The following RABGAP1L variants were observed in gnomAD, a reference collection of about 807,000 sequenced individuals.
RABGAP1L encodes the protein RAB GTPase activating protein 1 like, also known as rab GTPase-activating protein 1-like.
Under a neutral mutation model 137.7 loss-of-function variants are expected in RABGAP1L, and 63 were observed. That is an observed-to-expected ratio of 0.46 (90% CI 0.37 to 0.56). The LOEUF is 0.56. RABGAP1L is among the 20% of genes least tolerant of loss of function. The pLI is 0.00. For missense variants in RABGAP1L, 1,095 were observed against 1,244.0 expected, an observed-to-expected ratio of 0.88 and a Z score of 1.80; for synonymous variants, 431 against 433.7, an observed-to-expected ratio of 0.99 and a Z score of 0.08.
chr1:174,484,085 G>C (rs1388493253), intron 13 of RABGAP1L, among the ~76,000 whole-genome samples: 1 of 152,002 alleles, frequency 6.6e-6, no homozygotes, highest in Non-Finnish European at 1.5e-5. Flanking sequence ...GCCTGTCATG[G>C]ATAAAAGCCA....
chr1:174,699,928 A>G (rs1557996616), intron 16 of RABGAP1L, among the ~76,000 whole-genome samples: 1 of 152,178 alleles, frequency 6.6e-6, no homozygotes, highest in African/African-American at 2.4e-5. Flanking sequence ...ATTGCCAAGT[A>G]TTGTTTGTAG....
Position 174,219,284 on chromosome 1 carries a change from C to A in RABGAP1L, c.127C>A (p.Pro43Thr). The change falls in exon 2 of 26, where the codon CCT (proline) becomes ACT (threonine). Residue 43 changes from proline (P) to threonine (T), a missense_variant. By Grantham distance (38) the Pro-to-Thr change is conservative. Coordinates refer to ENST00000681986, the MANE Select transcript of RABGAP1L (RefSeq NM_001366446.1). ...DDNSTKHEEK[P>T]QLKIVSNGDE... ...TAATTCTACAAAACATGAAGAAAAA[C>A]CTCAACTGAAGGTATTTTTTTCTTT... The A allele has an allele frequency of 1.3e-6, 2 of 1,565,094 alleles. No individual in the cohort carries two copies. Among genetic ancestry groups the A allele is most frequent in the East Asian group, 2.3e-5 (1 of 43,298 alleles).
In RABGAP1L at chr1:174,218,190, C is replaced by T. The variant is rs376184670; in HGVS notation, c.-33-935C>T. On this transcript the variant is annotated intron_variant, in intron 1 of 25. Transcript: ENST00000681986. ...CTTTTTCCTACCACCTTAATTTGTC[C>T]GTATACTTCCCATAGCTACTGTTTG... 1.4e-4 allele frequency among the ~76,000 whole-genome samples: 21 copies of T among 152,142 alleles called. No individual in the cohort carries two copies. The South Asian group carries it at 3.9e-3, about 29-fold the overall frequency.
intron 1 of RABGAP1L, among the ~76,000 whole-genome samples, chr1:174,175,817 G>A (rs1488308520): frequency 6.6e-6 from 1 of 152,038 alleles, no homozygotes; most frequent in East Asian, 1.9e-4. Context: ...TAGAAATGGA[G>A]TTTCACCATG....
At chr1:174,727,256 C>A (rs1219561714) in intron 17 of RABGAP1L, among the ~76,000 whole-genome samples, 1 of 152,146 alleles carries the variant, frequency 6.6e-6, no homozygotes, top group African/African-American at 2.4e-5. Flanking sequence ...TTCAAAGACA[C>A]CTTTGTTAAG....
intron 13 of RABGAP1L, among the ~76,000 whole-genome samples, chr1:174,421,616 C>T (rs1215466001): frequency 2.0e-5 from 3 of 152,172 alleles, no homozygotes; most frequent in African/African-American, 7.2e-5. Context: ...TGAACATTCT[C>T]TATTTTGCCT....
chr1:174,433,139 A>G (rs538866945), intron 13 of RABGAP1L, among the ~76,000 whole-genome samples: 34 of 152,360 alleles, frequency 2.2e-4, no homozygotes, highest in African/African-American at 7.7e-4. Context: ...GCTGAGATAC[A>G]TGGAGAGAAA....
At chr1:174,714,027 C>T (rs1286669573) in intron 17 of RABGAP1L, among the ~76,000 whole-genome samples, 1 of 152,170 alleles carries the variant, frequency 6.6e-6, no homozygotes, top group Non-Finnish European at 1.5e-5. Context: ...TTCATTTGGC[C>T]TGCAGTTATT....
At chr1:174,930,321 A>G (rs1663582645) in intron 19 of RABGAP1L, among the ~76,000 whole-genome samples, 1 of 149,922 alleles carries the variant, frequency 6.7e-6, no homozygotes, top group Non-Finnish European at 1.5e-5. Context: ...CCACACCTAG[A>G]TCAAACTTCT....
chr1:174,298,196 T>C (rs1677308088), intron 10 of RABGAP1L, among the ~76,000 whole-genome samples: 1 of 152,116 alleles, frequency 6.6e-6, no homozygotes, highest in Non-Finnish European at 1.5e-5. Flanking sequence ...ATACCCAGGG[T>C]ACCTGAGGGA....
chr1:174,241,319 C>T (rs1038228027), intron 4 of RABGAP1L, among the ~76,000 whole-genome samples, 164 bp from the exon 5 acceptor site: 60 of 150,716 alleles, frequency 4.0e-4, no homozygotes, highest in African/African-American at 1.3e-3. Context: ...AACTCTGTTT[C>T]AAACAAAACA....
chr1:174,571,017 C>G (rs1667938231), intron 13 of RABGAP1L, among the ~76,000 whole-genome samples: 2 of 152,042 alleles, frequency 1.3e-5, no homozygotes, highest in Non-Finnish European at 2.9e-5. Context: ...TAGAAGCAAC[C>G]TAAGTGTGCA....
intron 4 of RABGAP1L, among the ~76,000 whole-genome samples, chr1:174,234,257 G>A: frequency 9.1e-6 from 1 of 110,106 alleles, no homozygotes; most frequent in Non-Finnish European, 1.7e-5. Flanking sequence ...CTGTGCAGAA[G>A]CTCTTTAGTT....
chr1:174,250,354 A>AATATATATTTTT, intron 5 of RABGAP1L, 121 bp from the exon 6 acceptor site: 1 of 637,126 alleles, frequency 1.6e-6, no homozygotes, highest in Non-Finnish European at 2.5e-6. Context: ...TATATATAAA[A>AATATATATTTTT]ATATATATTC....
chr1:174,234,344 G>A (rs1328425325), intron 4 of RABGAP1L, among the ~76,000 whole-genome samples: 10 of 127,878 alleles, frequency 7.8e-5, no homozygotes, highest in Non-Finnish European at 1.1e-4. Flanking sequence ...CCTTGCCCAC[G>A]CCTATGTCCT....
At chr1:174,876,645 T>G (rs966936626) in intron 19 of RABGAP1L, among the ~76,000 whole-genome samples, 1 of 152,168 alleles carries the variant, frequency 6.6e-6, no homozygotes, top group Non-Finnish European at 1.5e-5. Context: ...CTGATTTGAA[T>G]AATTAAAAGA....
chr1:174,826,167 A>G (rs1054039922), intron 19 of RABGAP1L, among the ~76,000 whole-genome samples: 20 of 152,120 alleles, frequency 1.3e-4, no homozygotes, highest in African/African-American at 4.8e-4. Flanking sequence ...TTTGTGCATT[A>G]GTTTGCTTAG....
At chr1:174,251,310 G>T (rs1269558096) in intron 6 of RABGAP1L, among the ~76,000 whole-genome samples, 6 of 146,738 alleles carry the variant, frequency 4.1e-5, no homozygotes, top group Admixed American at 6.8e-5. Context: ...AATCAAAATT[G>T]TTTTTAACAG....
At chr1:174,443,642 C>A (rs1450731551) in intron 13 of RABGAP1L, among the ~76,000 whole-genome samples, 1 of 151,828 alleles carries the variant, frequency 6.6e-6, no homozygotes, top group Non-Finnish European at 1.5e-5. Flanking sequence ...GCCTGTTCAC[C>A]GTGTTGATTA....
Sources: allele counts gnomAD v4.1 joint callset (sites outside exome capture counted in the v4.1 genomes callset), GRCh38; gene constraint gnomAD v4.1.1; transcripts MANE v1.5; gene names NCBI Gene and HGNC (gene_info 2026-07-23, HGNC 2026-07-21).